Variants in CDH2 observed in about 807,000 individuals in gnomAD.
CDH2 encodes cadherin 2.
A neutral mutation model predicts 92.0 loss-of-function variants in CDH2; 17 were observed. The ratio of observed to expected loss-of-function variants is 0.18; its 90% confidence interval spans 0.13 to 0.28. The LOEUF is 0.28. Ranked by LOEUF, CDH2 falls within the 10% of genes least tolerant of loss-of-function variation. The pLI, the probability that CDH2 is intolerant of heterozygous loss-of-function variation, is 1.00. For synonymous variants in CDH2, 419 were observed against 415.9 expected (o/e 1.01, Z -0.09); for missense variants, 862 against 1,133.1 (o/e 0.76, Z 3.44).
chr18:28,099,904 C>A (rs2015198933), intron 2 of CDH2, among the ~76,000 whole-genome samples: 1 of 152,102 alleles, frequency 6.6e-6, no homozygotes, highest in African/African-American at 2.4e-5. Flanking sequence ...ATATTTCAGA[C>A]AAACATCTGT....
At position 27,990,168 on chromosome 18, in the gene CDH2, C is replaced by T; in HGVS notation, c.1527G>A (p.Gly509=). The T allele has an allele frequency of 1.2e-6, 2 of 1,613,962 alleles. No individual in the cohort carries two copies. Among genetic ancestry groups the T allele is most frequent in the South Asian group, 2.2e-5 (2 of 91,078 alleles). Residue 509 remains glycine, a synonymous_variant, in exon 10 of 16, where the codon GGG becomes GGA. Coordinates refer to ENST00000269141, the MANE Select transcript of CDH2 (RefSeq NM_001792.5). The stretch of plus-strand genomic sequence containing the variant: ...TTGTCAACATGGTACCGGCATGAAG[C>T]CCTTCTTCTTGGCGAATGATCTTAG... ...PNPKIIRQEE[G]LHAGTMLTTF... is the part of the protein sequence containing the mutation.
At chr18:28,122,536 G>T (rs2015608250) in intron 2 of CDH2, among the ~76,000 whole-genome samples, 1 of 152,020 alleles carries the variant, frequency 6.6e-6, no homozygotes, top group South Asian at 2.1e-4. Context: ...TTAATTATTG[G>T]ACTCCATGGT....
At chr18:28,119,008 C>T (rs2015542404) in intron 2 of CDH2, among the ~76,000 whole-genome samples, 2 of 152,052 alleles carry the variant, frequency 1.3e-5, no homozygotes, top group South Asian at 2.1e-4. Flanking sequence ...GAAAAGGTTA[C>T]TATACAATCC....
intron 1 of CDH2, among the ~76,000 whole-genome samples, chr18:28,175,420 C>A (rs899176457): frequency 7.2e-5 from 11 of 152,280 alleles, no homozygotes; most frequent in Admixed American, 3.3e-4. Flanking sequence ...GCCTGGGAGG[C>A]AGGGGTGGGG....
intron 7 of CDH2, among the ~76,000 whole-genome samples, chr18:28,000,274 G>C (rs1351472489): frequency 3.3e-5 from 5 of 152,058 alleles, no homozygotes. Context: ...GCTAATTTTT[G>C]TATTTTTTGT....
intron 7 of CDH2, among the ~76,000 whole-genome samples, chr18:27,999,213 G>T (rs1460256922): frequency 6.6e-6 from 1 of 152,134 alleles, no homozygotes; most frequent in African/African-American, 2.4e-5. Context: ...ATGAGTGGTT[G>T]GGCATCATTT....
At chr18:28,055,742 C>T (rs2014279252) in intron 2 of CDH2, among the ~76,000 whole-genome samples, 1 of 152,078 alleles carries the variant, frequency 6.6e-6, no homozygotes, top group Non-Finnish European at 1.5e-5. Context: ...AAACTAACTG[C>T]TATATATATA....
chr18:28,034,228 C>G (rs1344729768), intron 2 of CDH2, among the ~76,000 whole-genome samples: 1 of 151,976 alleles, frequency 6.6e-6, no homozygotes, highest in Non-Finnish European at 1.5e-5. Context: ...CTGCTAATAT[C>G]TCATACGGCA....
At chr18:28,171,600 C>T (rs113740518) in intron 1 of CDH2, among the ~76,000 whole-genome samples, 176 of 152,210 alleles carry the variant, frequency 1.2e-3, no homozygotes, top group African/African-American at 3.9e-3. Flanking sequence ...AAACCTATCA[C>T]GATAAACTAC....
chr18:28,090,431 A>G (rs1255644585), intron 2 of CDH2, among the ~76,000 whole-genome samples: 1 of 152,190 alleles, frequency 6.6e-6, no homozygotes, highest in East Asian at 1.9e-4. Context: ...TGCAGCACAA[A>G]TGAGGGCCAG....
intron 2 of CDH2, among the ~76,000 whole-genome samples, chr18:28,043,515 T>A (rs865825675): frequency 2.8e-4 from 38 of 134,398 alleles, no homozygotes; most frequent in South Asian, 4.7e-4. Flanking sequence ...TATATATATA[T>A]AAACAGGTTT....
At chr18:28,038,422 AGTGTGTGTGTGTGTGTGT>A (rs57601293) in intron 2 of CDH2, among the ~76,000 whole-genome samples, 6 of 142,274 alleles carry the variant, frequency 4.2e-5, no homozygotes, top group Admixed American at 1.4e-4. Context: ...CCTTGTCTCA[AGTGTGTGTGTGTGTGTGT>A]GTGTGTGTGT....
chr18:28,130,799 C>A (rs2015755896), intron 2 of CDH2, among the ~76,000 whole-genome samples: 2 of 152,154 alleles, frequency 1.3e-5, no homozygotes, highest in East Asian at 1.9e-4. Flanking sequence ...AGAGCAATAA[C>A]CCCTCTTTCA....
At chr18:28,063,510 C>T (rs905096879) in intron 2 of CDH2, among the ~76,000 whole-genome samples, 9 of 152,204 alleles carry the variant, frequency 5.9e-5, no homozygotes, top group Admixed American at 6.5e-5. Context: ...GTGGCACACA[C>T]CCACAACTTC....
intron 13 of CDH2, among the ~76,000 whole-genome samples, chr18:27,983,439 C>T (rs776530707): frequency 2.1e-4 from 32 of 152,264 alleles, no homozygotes; most frequent in Non-Finnish European, 3.7e-4. Flanking sequence ...CTTGTAAATT[C>T]TAGAGACACA....
intron 2 of CDH2, among the ~76,000 whole-genome samples, chr18:28,057,591 C>T (rs7243533): frequency 0.013 from 2,003 of 151,562 alleles, 51 homozygotes; most frequent in African/African-American, 0.046. Context: ...TGCTTGAACC[C>T]GGGAGGCGGC....
chr18:28,108,460 C>T (rs949199540), intron 2 of CDH2, among the ~76,000 whole-genome samples: 1 of 152,116 alleles, frequency 6.6e-6, no homozygotes, highest in African/African-American at 2.4e-5. Flanking sequence ...AATGCAATCA[C>T]ATACACTTGA....
chr18:28,153,333 C>T (rs1453408350), intron 1 of CDH2, among the ~76,000 whole-genome samples: 1 of 151,992 alleles, frequency 6.6e-6, no homozygotes, highest in African/African-American at 2.4e-5. Flanking sequence ...ATTTTGGGTC[C>T]TTAGGGGGAG....
intron 2 of CDH2, among the ~76,000 whole-genome samples, chr18:28,112,517 A>T (rs2015429219): frequency 6.6e-6 from 1 of 152,234 alleles, no homozygotes; most frequent in South Asian, 2.1e-4. Context: ...AATTTCACTC[A>T]TAACTTCAAA....
Sources: allele counts gnomAD v4.1 joint callset (sites outside exome capture counted in the v4.1 genomes callset), GRCh38; gene constraint gnomAD v4.1.1; transcripts MANE v1.5; gene names NCBI Gene and HGNC (gene_info 2026-07-23, HGNC 2026-07-21).